RBMS3: variants seen among roughly 807,000 people sequenced by gnomAD.
RBMS3 encodes RNA-binding motif, single-stranded-interacting protein 3.
In RBMS3, 27 loss-of-function variants were observed where a neutral mutation model predicts 66.8. That is an observed-to-expected ratio of 0.40 (90% confidence interval 0.30 to 0.56). RBMS3 has a LOEUF of 0.56. Among genes scored for constraint, RBMS3 ranks in the 20% least tolerant of loss-of-function variants. The pLI is 0.40. For missense variants in RBMS3, 513 were observed against 549.5 expected (o/e 0.93, Z 0.66); for synonymous variants, 188 against 183.0 (o/e 1.03, Z -0.22).
chr3:29,322,209 C>A (rs545949240), intron 1 of RBMS3, among the ~76,000 whole-genome samples: 13 of 151,982 alleles, frequency 8.6e-5, no homozygotes, highest in Middle Eastern at 3.4e-3. Flanking sequence ...TTTGAGTCAA[C>A]CAACATTTAC....
chr3:29,939,601 G>A (rs1190669990), intron 11 of RBMS3, among the ~76,000 whole-genome samples: 1 of 151,790 alleles, frequency 6.6e-6, no homozygotes, highest in Non-Finnish European at 1.5e-5. Context: ...GGTCCAGTTT[G>A]TCCCAAGAAC....
intron 6 of RBMS3, among the ~76,000 whole-genome samples, chr3:29,763,996 C>T (rs996839218): frequency 6.6e-6 from 1 of 151,974 alleles, no homozygotes; most frequent in African/African-American, 2.4e-5. Context: ...CTATTTAAAA[C>T]CCATCAGAGA....
chr3:29,485,697 G>A lies in RBMS3; in HGVS notation c.249-2744G>A, dbSNP rs568528538. 2.6e-5 allele frequency among the ~76,000 whole-genome samples: 4 copies of A among 152,270 alleles called. No homozygotes were observed. In the South Asian group the frequency reaches 8.3e-4, roughly 32 times the overall value. On this transcript the variant is annotated intron_variant, in intron 2 of 14. Coordinates refer to ENST00000383767, the MANE Select transcript of RBMS3 (RefSeq NM_001003793.3). ...TGTGGATAGTATTTTATCTCCTCTA[G>A]CTGTAAGAAATGAAAGGATAGATAA...
chr3:29,311,882 G>T (rs1011558593), intron 1 of RBMS3, among the ~76,000 whole-genome samples: 2 of 151,848 alleles, frequency 1.3e-5, no homozygotes, highest in Admixed American at 6.6e-5. Flanking sequence ...CATTTGGATA[G>T]CCAGATGTAT....
intron 11 of RBMS3, among the ~76,000 whole-genome samples, chr3:29,943,827 G>T (rs1361536513): frequency 6.6e-6 from 1 of 151,628 alleles, no homozygotes. Flanking sequence ...TTGTTCTCCA[G>T]GACTTTGTTT....
chr3:29,514,862 C>T (rs28489737), intron 3 of RBMS3, among the ~76,000 whole-genome samples: 17,151 of 150,932 alleles, frequency 0.11, 1,542 homozygotes, highest in East Asian at 0.39. Context: ...TAATACCTAA[C>T]TGTCAGTGAG....
At chr3:29,823,281 A>G (rs1460994525) in intron 6 of RBMS3, among the ~76,000 whole-genome samples, 1 of 152,202 alleles carries the variant, frequency 6.6e-6, no homozygotes, top group Non-Finnish European at 1.5e-5. Context: ...TTTTAACAAA[A>G]TAAATGGGTT....
At chr3:29,290,368 C>T (rs1025644) in intron 1 of RBMS3, among the ~76,000 whole-genome samples, 131,938 of 151,744 alleles carry the variant, frequency 0.87, 57,563 homozygotes, top group Middle Eastern at 0.93. Flanking sequence ...GATTGTTTTC[C>T]GGGATACTCA....
chr3:29,726,258 A>T (rs2053869893), intron 4 of RBMS3, among the ~76,000 whole-genome samples: 1 of 152,152 alleles, frequency 6.6e-6, no homozygotes, highest in Admixed American at 6.6e-5. Context: ...TATCATACCG[A>T]ATGGGCAAAA....
intron 4 of RBMS3, among the ~76,000 whole-genome samples, chr3:29,735,872 A>G (rs2054357151): frequency 6.6e-6 from 1 of 152,110 alleles, no homozygotes; most frequent in Admixed American, 6.6e-5. Context: ...GCTTTTTTCC[A>G]TCTGTTAGAT....
chr3:29,592,758 C>A (rs1429066674), intron 4 of RBMS3, among the ~76,000 whole-genome samples: 4 of 151,996 alleles, frequency 2.6e-5, no homozygotes, highest in Admixed American at 2.6e-4. Context: ...GGAACCAACC[C>A]AAATGTCCAT....
At chr3:29,395,608 T>C (rs1328958920) in intron 1 of RBMS3, among the ~76,000 whole-genome samples, 1 of 152,226 alleles carries the variant, frequency 6.6e-6, no homozygotes, top group East Asian at 1.9e-4. Flanking sequence ...TTATAAAATG[T>C]TCCACTTTCA....
intron 1 of RBMS3, among the ~76,000 whole-genome samples, chr3:29,283,033 T>C (rs2125408164): frequency 6.6e-6 from 1 of 152,284 alleles, no homozygotes; most frequent in East Asian, 1.9e-4. Flanking sequence ...GATGCTTAAA[T>C]AGACTAGCCC....
At chr3:29,907,731 T>C (rs912641792) in intron 10 of RBMS3, among the ~76,000 whole-genome samples, 1 of 152,096 alleles carries the variant, frequency 6.6e-6, no homozygotes, top group African/African-American at 2.4e-5. Flanking sequence ...ACAAAGGCTT[T>C]ATAAAGTTAA....
intron 1 of RBMS3, among the ~76,000 whole-genome samples, chr3:29,336,898 T>C (rs2035988166): frequency 6.6e-6 from 1 of 152,116 alleles, no homozygotes; most frequent in Non-Finnish European, 1.5e-5. Context: ...ACAAATAAAA[T>C]TAAGTCAAAT....
chr3:29,556,801 G>A (rs1251372442), intron 3 of RBMS3, among the ~76,000 whole-genome samples: 2 of 152,074 alleles, frequency 1.3e-5, no homozygotes, highest in Non-Finnish European at 2.9e-5. Flanking sequence ...TGCTTTGCCT[G>A]CAGACAAACA....
intron 4 of RBMS3, among the ~76,000 whole-genome samples, chr3:29,659,460 T>C (rs2050450659): frequency 6.6e-6 from 1 of 152,190 alleles, no homozygotes; most frequent in Non-Finnish European, 1.5e-5. Context: ...TTTTCATACA[T>C]TATATAAATG....
intron 3 of RBMS3, among the ~76,000 whole-genome samples, chr3:29,521,967 G>T (rs1291922371): frequency 2.6e-5 from 4 of 152,142 alleles, no homozygotes; most frequent in Non-Finnish European, 5.9e-5. Context: ...ATTTGGTTTG[G>T]CCATGCAGTC....
chr3:29,733,331 A>G (rs2054216706), intron 4 of RBMS3, among the ~76,000 whole-genome samples: 1 of 151,280 alleles, frequency 6.6e-6, no homozygotes, highest in Admixed American at 6.6e-5. Flanking sequence ...TGGAATAATC[A>G]TGGAGGTGCA....
Sources: allele counts gnomAD v4.1 joint callset (sites outside exome capture counted in the v4.1 genomes callset), GRCh38; gene constraint gnomAD v4.1.1; transcripts MANE v1.5; gene names NCBI Gene and HGNC (gene_info 2026-07-23, HGNC 2026-07-21).